Variants in CCSER1 observed in about 807,000 individuals in gnomAD.
CCSER1 encodes serine-rich coiled-coil domain-containing protein 1.
Under a neutral mutation model 82.0 loss-of-function variants are expected in CCSER1, and 41 were observed. The observed-to-expected ratio is 0.50, with a 90% CI of 0.39 to 0.65. The LOEUF is 0.65. CCSER1 is among the 30% of genes least tolerant of loss of function. CCSER1 has a pLI of 0.00. For missense variants in CCSER1, 1,119 were observed against 1,064.2 expected (o/e 1.05, Z -0.72); for synonymous variants, 414 against 383.9 (o/e 1.08, Z -0.92).
intron 10 of CCSER1, among the ~76,000 whole-genome samples, chr4:91,183,089 C>A (rs1019260586): frequency 6.6e-6 from 1 of 152,180 alleles, no homozygotes; most frequent in African/African-American, 2.4e-5. Flanking sequence ...TGTATGAGCC[C>A]TAATGTGAGT....
intron 6 of CCSER1, among the ~76,000 whole-genome samples, chr4:90,703,241 G>T (rs1428622825): frequency 6.6e-6 from 1 of 152,050 alleles, no homozygotes; most frequent in East Asian, 1.9e-4. Flanking sequence ...CCCAGTAGTT[G>T]TTCAGGAGCA....
intron 10 of CCSER1, among the ~76,000 whole-genome samples, chr4:91,490,310 A>G (rs908713210): frequency 2.0e-5 from 3 of 152,228 alleles, no homozygotes; most frequent in African/African-American, 7.2e-5. Flanking sequence ...TTGCTGCACT[A>G]TTCACAGTAG....
At chr4:90,958,885 T>C (rs1044995358) in intron 9 of CCSER1, among the ~76,000 whole-genome samples, 2 of 152,200 alleles carry the variant, frequency 1.3e-5, no homozygotes, top group African/African-American at 4.8e-5. Context: ...ACAGATACCA[T>C]CCTTCTTCTG....
intron 1 of CCSER1, among the ~76,000 whole-genome samples, chr4:90,266,023 A>T (rs72877798): frequency 0.055 from 8,365 of 152,226 alleles, 611 homozygotes; most frequent in African/African-American, 0.17. Flanking sequence ...ACCCTTAGTT[A>T]TTCATATTCA....
chr4:90,698,346 A>ACT (rs1737364092), intron 6 of CCSER1, among the ~76,000 whole-genome samples: 1 of 152,176 alleles, frequency 6.6e-6, no homozygotes, highest in Non-Finnish European at 1.5e-5. Context: ...TTCAGAGAGA[A>ACT]CTGACATCTA....
At chr4:90,469,620 G>A (rs1328509464) in intron 5 of CCSER1, among the ~76,000 whole-genome samples, 2 of 151,154 alleles carry the variant, frequency 1.3e-5, no homozygotes, top group Admixed American at 6.6e-5. Flanking sequence ...TTAGTATTAT[G>A]TGAAATGATA....
intron 10 of CCSER1, among the ~76,000 whole-genome samples, chr4:91,176,164 G>T (rs1279677222): frequency 2.0e-5 from 3 of 149,990 alleles, no homozygotes; most frequent in Non-Finnish European, 4.4e-5. Flanking sequence ...TGAGGGCTCT[G>T]TTCTGTTCCA....
At chr4:90,987,138 G>T (rs181640213) in intron 9 of CCSER1, among the ~76,000 whole-genome samples, 7 of 151,386 alleles carry the variant, frequency 4.6e-5, no homozygotes, top group African/African-American at 1.7e-4. Flanking sequence ...TGAACAAACT[G>T]GTGCTAAAAG....
chr4:91,305,214 A>G (rs1446731836), intron 10 of CCSER1, among the ~76,000 whole-genome samples: 4 of 152,058 alleles, frequency 2.6e-5, no homozygotes, highest in Admixed American at 2.0e-4. Context: ...TTACTTGTAA[A>G]AAAGGCTATC....
chr4:90,297,744 G>A (rs559762185), intron 1 of CCSER1, among the ~76,000 whole-genome samples: 5 of 152,030 alleles, frequency 3.3e-5, no homozygotes, highest in Non-Finnish European at 5.9e-5. Flanking sequence ...TGCATCTATT[G>A]AGAAAATCAT....
intron 10 of CCSER1, among the ~76,000 whole-genome samples, chr4:91,413,028 A>T (rs1753151326): frequency 6.6e-6 from 1 of 152,180 alleles, no homozygotes; most frequent in Non-Finnish European, 1.5e-5. Context: ...AAAGAATTAG[A>T]AGCCATAAAA....
chr4:90,217,450 G>A (rs1052662824), intron 1 of CCSER1, among the ~76,000 whole-genome samples: 46 of 151,960 alleles, frequency 3.0e-4, no homozygotes, highest in African/African-American at 1.0e-3. Flanking sequence ...CGCCCGCCTC[G>A]GCCTCCCAAA....
chr4:90,594,127 CT>C (rs1428189480), intron 5 of CCSER1, among the ~76,000 whole-genome samples: 3 of 151,540 alleles, frequency 2.0e-5, no homozygotes, highest in East Asian at 3.9e-4. Flanking sequence ...ACCTAGGATT[CT>C]TTTTTTCCCC....
intron 10 of CCSER1, among the ~76,000 whole-genome samples, chr4:91,596,377 G>GCA (rs1350565702): frequency 6.6e-6 from 1 of 151,910 alleles, no homozygotes; most frequent in Non-Finnish European, 1.5e-5. Flanking sequence ...AACCACTGGT[G>GCA]TTATCATTAT....
At chr4:90,944,018 G>A (rs1034979811) in intron 9 of CCSER1, among the ~76,000 whole-genome samples, 5 of 151,960 alleles carry the variant, frequency 3.3e-5, no homozygotes, top group Admixed American at 2.0e-4. Flanking sequence ...CGGATTGCCT[G>A]AGCTCAGGAG....
At chr4:90,710,268 T>C (rs926581212) in intron 6 of CCSER1, among the ~76,000 whole-genome samples, 1 of 152,078 alleles carries the variant, frequency 6.6e-6, no homozygotes, top group African/African-American at 2.4e-5. Context: ...TAGTGATAGT[T>C]TTTTGTTGTT....
intron 10 of CCSER1, among the ~76,000 whole-genome samples, chr4:91,218,315 G>C (rs1200308368): frequency 2.6e-5 from 4 of 152,164 alleles, no homozygotes; most frequent in Non-Finnish European, 5.9e-5. Flanking sequence ...GGCCCGCAAG[G>C]GCCGCACGCA....
intron 1 of CCSER1, among the ~76,000 whole-genome samples, chr4:90,180,084 AGTT>A (rs2153384574): frequency 6.7e-6 from 1 of 150,180 alleles, no homozygotes; most frequent in Admixed American, 6.7e-5. Context: ...AAAACAGGGA[AGTT>A]GTTGGAGTTT....
At chr4:90,918,264 G>A in intron 8 of CCSER1, 1 of 455,364 alleles carries the variant, frequency 2.2e-6, no homozygotes, top group Non-Finnish European at 4.4e-6. Flanking sequence ...AGGCCATCAT[G>A]TTCCAAGTTT....
Sources: allele counts gnomAD v4.1 joint callset (sites outside exome capture counted in the v4.1 genomes callset), GRCh38; gene constraint gnomAD v4.1.1; transcripts MANE v1.5; gene names NCBI Gene and HGNC (gene_info 2026-07-23, HGNC 2026-07-21).